RNF4: variants seen among roughly 807,000 people sequenced by gnomAD.
RNF4 encodes the protein E3 ubiquitin-protein ligase RNF4.
A neutral mutation model predicts 24.3 loss-of-function variants in RNF4; 7 were observed. The ratio of observed to expected loss-of-function variants is 0.29; its 90% confidence interval spans 0.16 to 0.54. The LOEUF (loss-of-function observed/expected upper bound fraction) is 0.54. RNF4 is among the 20% of genes least tolerant of loss of function. The pLI is 0.95. For synonymous variants in RNF4, 83 were observed against 84.3 expected, an observed-to-expected ratio of 0.98 and a Z score of 0.09; for missense variants, 209 against 248.5, an observed-to-expected ratio of 0.84 and a Z score of 1.07.
Position 2,515,177 on chromosome 4 carries a change from G to A in RNF4, c.*1358G>A, listed in dbSNP as rs184116029. 3.9e-5 allele frequency: 6 copies of A among 152,762 alleles called. No homozygotes were observed. In the South Asian group the frequency reaches 8.3e-4, roughly 21 times the overall value. 9.5% of individuals were successfully genotyped at this position (152,762 alleles called of 1,614,324 possible). A position where few individuals can be genotyped will look rare whatever the true frequency, so the allele number is the denominator to read the frequency against. ...TTTTCGTGTGAAACATCTTCAGGGC[G>A]GGAAAGGGGCCACTTCTGGCTTTGT... On this transcript the variant is annotated 3_prime_UTR_variant, in exon 8 of 8. Coordinates refer to ENST00000314289, the MANE Select transcript of RNF4 (RefSeq NM_002938.5).
At chr4:2,488,816 A>T (rs1338453461) in intron 1 of RNF4, among the ~76,000 whole-genome samples, 4 of 151,644 alleles carry the variant, frequency 2.6e-5, no homozygotes, top group African/African-American at 9.7e-5. Context: ...TTCATTTTTT[A>T]TTTATTTATT....
At chr4:2,485,652 C>G (rs765851846) in intron 1 of RNF4, among the ~76,000 whole-genome samples, 22 of 152,132 alleles carry the variant, frequency 1.4e-4, no homozygotes, top group Admixed American at 9.8e-4. Context: ...CTCTCCTGAC[C>G]ATCCCCAGTT....
At chr4:2,490,838 CAT>C (rs1454848291) in intron 2 of RNF4, 2 of 201,908 alleles carry the variant, frequency 9.9e-6, no homozygotes, top group Non-Finnish European at 2.0e-5. Flanking sequence ...CATGGTGGCT[CAT>C]GTGTAATCTC....
At chr4:2,498,760 T>G (rs1284096553) in intron 3 of RNF4, among the ~76,000 whole-genome samples, 1 of 151,794 alleles carries the variant, frequency 6.6e-6, no homozygotes, top group African/African-American at 2.4e-5. Context: ...CCTGTCTCTA[T>G]AAATAAAAAA....
rs1302209746 is a variant in RNF4, at chr4:2,512,839, C to G, written c.374+242C>G. 2.0e-5 allele frequency among the ~76,000 whole-genome samples: 3 copies of G among 152,084 alleles called. No individual in the cohort carries two copies. The highest frequency in any genetic ancestry group is 7.2e-5 in the African/African-American group (3 of 41,422). On this transcript the variant is annotated intron_variant, in intron 6 of 7. Coordinates refer to ENST00000314289, the MANE Select transcript of RNF4 (RefSeq NM_002938.5). The surrounding 1 kb of genome is among the most constrained non-coding windows in gnomAD (Gnocchi z 4.1). ...GTCCCAGTGGCCCCAGACAGGGATC[C>G]TGGGGCTGGTAGGGGCCTGGGGGAG...
At chr4:2,471,468 T>C (rs1236433688) in intron 1 of RNF4, among the ~76,000 whole-genome samples, 1 of 138,606 alleles carries the variant, frequency 7.2e-6, no homozygotes, top group African/African-American at 2.5e-5. Context: ...GGCCAGTCAG[T>C]GACCCTACAG....
chr4:2,498,396 C>A (rs1735801995), intron 3 of RNF4, among the ~76,000 whole-genome samples: 1 of 151,970 alleles, frequency 6.6e-6, no homozygotes, highest in East Asian at 1.9e-4. Context: ...CCATGTCAGT[C>A]AGGCTGATCT....
chr4:2,492,073 C>T (rs1174945296), intron 2 of RNF4, among the ~76,000 whole-genome samples: 1 of 151,994 alleles, frequency 6.6e-6, no homozygotes, highest in Non-Finnish European at 1.5e-5. Flanking sequence ...TTGGCGGGCG[C>T]CTGTAGTCCC....
intron 3 of RNF4, 178 bp downstream of exon 3, chr4:2,497,299 G>T (rs1237195055): frequency 1.4e-5 from 7 of 508,288 alleles, no homozygotes; most frequent in Non-Finnish European, 2.5e-5. Flanking sequence ...TGGGCTAACT[G>T]TTCAACTCTG....
At chr4:2,492,536 A>C (rs1380982856) in intron 2 of RNF4, among the ~76,000 whole-genome samples, 1 of 152,230 alleles carries the variant, frequency 6.6e-6, no homozygotes, top group Admixed American at 6.5e-5. Context: ...TGTCAGACAG[A>C]CCAGATGTGA....
intron 1 of RNF4, among the ~76,000 whole-genome samples, chr4:2,486,034 G>T (rs1735396457): frequency 6.6e-6 from 1 of 152,158 alleles, no homozygotes; most frequent in Admixed American, 6.5e-5. Flanking sequence ...TGAGGGTGTG[G>T]GTCTTGGTAT....
At chr4:2,495,910 C>A (rs1735724353) in intron 2 of RNF4, among the ~76,000 whole-genome samples, 1 of 152,226 alleles carries the variant, frequency 6.6e-6, no homozygotes, top group Non-Finnish European at 1.5e-5. Flanking sequence ...GGATTACAGG[C>A]CTGAGCCACT....
At chr4:2,477,469 C>G (rs1056000560) in intron 1 of RNF4, among the ~76,000 whole-genome samples, 1 of 152,096 alleles carries the variant, frequency 6.6e-6, no homozygotes, top group Non-Finnish European at 1.5e-5. Flanking sequence ...CCTGTAGTTC[C>G]AGCTACTTGG....
At chr4:2,496,890 TC>T in intron 2 of RNF4, 116 bp from the exon 3 acceptor site, 1 of 677,872 alleles carries the variant, frequency 1.5e-6, no homozygotes, top group Non-Finnish European at 2.5e-6. Context: ...AGCCCTAACT[TC>T]AAGTCTACTC....
Position 2,474,863 on chromosome 4 carries a change from A to T in RNF4, c.-158+5605A>T, listed in dbSNP as rs186309931. Among the ~76,000 whole-genome samples the T allele has an allele frequency of 2.3e-3, 356 of 152,242 alleles. 2 individuals carry two copies. The highest frequency in any genetic ancestry group is 3.4e-3 in the Middle Eastern group (1 of 294). On this transcript the variant is annotated intron_variant, in intron 1 of 7. Coordinates refer to ENST00000314289, the MANE Select transcript of RNF4 (RefSeq NM_002938.5). The stretch of plus-strand genomic sequence containing the variant: ...AACATGGAGAAACCCCGTCTCGACT[A>T]AAAATACAAAAAAATTAGCTGGGCG...
intron 3 of RNF4, 59 bp from the exon 4 acceptor site, chr4:2,500,600 G>T: frequency 1.3e-6 from 2 of 1,548,616 alleles, no homozygotes; most frequent in African/African-American, 1.4e-5. Context: ...AAAGTGTAGA[G>T]GGATACAACC....
At position 2,513,927 on chromosome 4, in the gene RNF4, C is replaced by T. The variant is rs1301917141; in HGVS notation, c.*108C>T. 1.4e-6 allele frequency: 2 copies of T among 1,401,884 alleles called. No individual in the cohort carries two copies. The highest frequency in any genetic ancestry group is 1.8e-5 in the Admixed American group (1 of 55,636). 86.8% of individuals were successfully genotyped at this position (1,401,884 alleles called of 1,614,324 possible). A position where few individuals can be genotyped will look rare whatever the true frequency, so the allele number is the denominator to read the frequency against. On this transcript the variant is annotated 3_prime_UTR_variant, in exon 8 of 8. Coordinates refer to ENST00000314289, the MANE Select transcript of RNF4 (RefSeq NM_002938.5). ...ATCAAAAAGACTGTTTCGAAACCAA[C>T]ATCTGATATGTAAACTGCTCTTTTG... is the stretch of plus-strand genomic sequence containing the variant.
chr4:2,509,716 C>T (rs969294803), intron 4 of RNF4, among the ~76,000 whole-genome samples: 2 of 152,104 alleles, frequency 1.3e-5, no homozygotes, highest in African/African-American at 4.8e-5. Flanking sequence ...AGTTTGGTAC[C>T]ATCCACAGGC....
At chr4:2,505,811 G>C (rs1440678306) in intron 4 of RNF4, 1 of 124,200 alleles carries the variant, frequency 8.1e-6, no homozygotes, top group East Asian at 2.8e-4. Flanking sequence ...TCAGCTCACT[G>C]CAGCCTCTGC....
Sources: allele counts gnomAD v4.1 joint callset (sites outside exome capture counted in the v4.1 genomes callset), GRCh38; gene constraint gnomAD v4.1.1; non-coding constraint Gnocchi (gnomAD v3.1); transcripts MANE v1.5; gene names NCBI Gene and HGNC (gene_info 2026-07-23, HGNC 2026-07-21).